PRDM16: variants seen among roughly 807,000 people sequenced by gnomAD.
The protein encoded by PRDM16 is PR/SET domain 16, also known as histone-lysine N-methyltransferase PRDM16.
A neutral mutation model predicts 110.6 loss-of-function variants in PRDM16; 23 were observed. That is an observed-to-expected ratio of 0.21 (90% CI 0.15 to 0.29). The LOEUF is 0.29. Ranked by LOEUF, PRDM16 falls within the 10% of genes least tolerant of loss-of-function variation. The pLI is 1.00. For synonymous variants in PRDM16, 799 were observed against 781.8 expected (o/e 1.02, Z -0.37); for missense variants, 1,615 against 1,794.3 (o/e 0.90, Z 1.81).
chr1:3,200,413 G>A (rs146186735), intron 2 of PRDM16, among the ~76,000 whole-genome samples: 2,072 of 152,214 alleles, frequency 0.014, 45 homozygotes, highest in African/African-American at 0.048. Context: ...TGCTATCTCC[G>A]CTCACTGCAA....
chr1:3,176,152 T>TATCCATCCATCCATCCATCCATCC (rs145743378), intron 1 of PRDM16, among the ~76,000 whole-genome samples: 6 of 90,640 alleles, frequency 6.6e-5, no homozygotes, highest in African/African-American at 1.1e-4. Flanking sequence ...CTCATTCATC[T>TATCCATCCATCCATCCATCCATCC]ATCCATCCAT....
At chr1:3,310,890 T>C (rs1428727486) in intron 3 of PRDM16, among the ~76,000 whole-genome samples, 2 of 149,386 alleles carry the variant, frequency 1.3e-5, no homozygotes, top group Non-Finnish European at 3.0e-5. Flanking sequence ...TGCGTGTGTG[T>C]GAGACATGTG....
chr1:3,146,594 C>A, intron 1 of PRDM16, among the ~76,000 whole-genome samples: 1 of 121,794 alleles, frequency 8.2e-6, no homozygotes. Flanking sequence ...CATATGTGTG[C>A]ACGTGTGTGC....
At chr1:3,212,292 C>T (rs928333714) in intron 2 of PRDM16, among the ~76,000 whole-genome samples, 2 of 152,192 alleles carry the variant, frequency 1.3e-5, no homozygotes, top group Admixed American at 6.5e-5. Flanking sequence ...CATTTGTCCC[C>T]GCTGGGGCTC....
Position 3,172,495 on chromosome 1 carries a change from C to T in PRDM16, c.38-13630C>T, listed in dbSNP as rs567718893. On this transcript the variant is annotated intron_variant, in intron 1 of 16. Coordinates refer to ENST00000270722, the MANE Select transcript of PRDM16 (RefSeq NM_022114.4). ...TTCAGACGGCACACGCATGTTCACA[C>T]GTGCTTCCCACAGTGGCGTGTGCTT... 5.3e-5 allele frequency among the ~76,000 whole-genome samples: 8 copies of T among 152,350 alleles called. No homozygotes were observed. The East Asian group carries it at 1.4e-3, about 26-fold the overall frequency.
chr1:3,377,734 A>C lies in PRDM16; in HGVS notation c.439-7418A>C, dbSNP rs372714133. On this transcript the variant is annotated intron_variant, in intron 3 of 16. Transcript: ENST00000270722. ...CAGCCCAGTGGCCATGGTGGCCTCC[A>C]GATCACTACCTGCTAAAGCCGGCCG... is the stretch of plus-strand genomic sequence containing the variant. Among the ~76,000 whole-genome samples, 40 of 152,322 alleles carry C rather than the reference A, an allele frequency of 2.6e-4. 2 individuals carry two copies. The South Asian group carries it at 7.5e-3, about 28-fold the overall frequency.
chr1:3,324,684 G>A (rs944853202), intron 3 of PRDM16, among the ~76,000 whole-genome samples: 5 of 151,732 alleles, frequency 3.3e-5, no homozygotes, highest in Non-Finnish European at 4.4e-5. Flanking sequence ...GGCAGGCTCC[G>A]ACTCCATGGG....
intron 3 of PRDM16, among the ~76,000 whole-genome samples, chr1:3,357,683 G>A (rs907286712): frequency 3.9e-5 from 6 of 152,192 alleles, no homozygotes; most frequent in Admixed American, 1.3e-4. Context: ...CCATGGCCGC[G>A]AGCGCCTCTG....
intron 2 of PRDM16, among the ~76,000 whole-genome samples, chr1:3,238,616 C>T (rs1260728450): frequency 6.6e-6 from 1 of 152,236 alleles, no homozygotes; most frequent in Non-Finnish European, 1.5e-5. Context: ...GGCGGGGCGG[C>T]CGGCGACTAA....
chr1:3,097,078 A>G (rs1490027347), intron 1 of PRDM16, among the ~76,000 whole-genome samples: 1 of 152,032 alleles, frequency 6.6e-6, no homozygotes. Context: ...GGCTGGGGTC[A>G]GACAGCGCTT....
At chr1:3,248,224 C>A (rs1639840184) in intron 3 of PRDM16, among the ~76,000 whole-genome samples, 1 of 152,108 alleles carries the variant, frequency 6.6e-6, no homozygotes, top group East Asian at 1.9e-4. Context: ...GTAGTCCACC[C>A]GGGAGATGCT....
In PRDM16 at chr1:3,285,817, GGC is replaced by G. The variant is rs567616526; in HGVS notation, c.438+41681_438+41682del. Reference sequence around the variant, plus strand: ...CATGTCCACCTGGGGAAAGGGCACTGGCCCTCTCTGGCAAGAGCTTCTCAGAC... The same window carrying G: ...CATGTCCACCTGGGGAAAGGGCACTGCCTCTCTGGCAAGAGCTTCTCAGAC... On this transcript the variant is annotated intron_variant, in intron 3 of 16. Transcript: ENST00000270722. Among the ~76,000 whole-genome samples the G allele has an allele frequency of 2.8e-3, 421 of 152,340 alleles. 6 individuals are homozygous for G. The highest frequency in any genetic ancestry group is 9.7e-3 in the African/African-American group (405 of 41,574).
At chr1:3,317,774 T>C (rs956059506) in intron 3 of PRDM16, among the ~76,000 whole-genome samples, 2 of 152,226 alleles carry the variant, frequency 1.3e-5, no homozygotes, top group Non-Finnish European at 2.9e-5. Context: ...AGGATGCACA[T>C]TTCTTATAGG....
intron 5 of PRDM16, 132 bp from the exon 6 acceptor site, chr1:3,402,659 C>A: frequency 1.4e-6 from 1 of 697,852 alleles, no homozygotes; most frequent in Non-Finnish European, 2.5e-6. Flanking sequence ...TGGAAGGAAG[C>A]AGTGCAGGAC....
At chr1:3,125,791 C>T (rs1013395790) in intron 1 of PRDM16, among the ~76,000 whole-genome samples, 2 of 152,172 alleles carry the variant, frequency 1.3e-5, no homozygotes, top group African/African-American at 4.8e-5. Flanking sequence ...CGGAGCGGAG[C>T]GCGGCACAGG....
At chr1:3,112,313 C>T (rs1251157073) in intron 1 of PRDM16, among the ~76,000 whole-genome samples, 1 of 152,208 alleles carries the variant, frequency 6.6e-6, no homozygotes, top group Non-Finnish European at 1.5e-5. Context: ...CCCACTTATA[C>T]GAAATGATGA....
At chr1:3,135,205 C>T (rs535082971) in intron 1 of PRDM16, among the ~76,000 whole-genome samples, 24 of 152,298 alleles carry the variant, frequency 1.6e-4, no homozygotes, top group African/African-American at 5.5e-4. Flanking sequence ...TCAGCCCAGT[C>T]GGCCCCAGGC....
intron 1 of PRDM16, among the ~76,000 whole-genome samples, chr1:3,125,307 G>A (rs1405821406): frequency 6.6e-6 from 1 of 152,254 alleles, no homozygotes; most frequent in East Asian, 1.9e-4. Flanking sequence ...CTCAGAGCTG[G>A]CCAGAGGAGG....
intron 1 of PRDM16, among the ~76,000 whole-genome samples, chr1:3,161,441 G>T (rs1643896003): frequency 6.6e-6 from 1 of 152,220 alleles, no homozygotes; most frequent in African/African-American, 2.4e-5. Context: ...TAGCGGGTCG[G>T]GCAATGGCGT....
Sources: gnomAD v4.1 joint callset for allele counts (sites outside exome capture counted in the v4.1 genomes callset) on GRCh38, gnomAD v4.1.1 for gene constraint, MANE v1.5 for transcripts, NCBI Gene and HGNC (gene_info 2026-07-23, HGNC 2026-07-21) for gene names.